The following RNF144A variants were observed in gnomAD, a reference collection of about 807,000 sequenced individuals.
RNF144A encodes ring finger protein 144A.
In RNF144A, 11 loss-of-function variants were observed where a neutral mutation model predicts 38.7. That is an observed-to-expected ratio of 0.28 (90% CI 0.18 to 0.47). The LOEUF (loss-of-function observed/expected upper bound fraction) is 0.47, where lower values mean the gene tolerates loss of function less well. RNF144A is among the 20% of genes least tolerant of loss of function. The pLI is 0.99. For missense variants in RNF144A, 316 were observed against 377.2 expected (o/e 0.84, Z 1.34); for synonymous variants, 149 against 143.9 (o/e 1.04, Z -0.25).
intron 2 of RNF144A, among the ~76,000 whole-genome samples, chr2:6,956,984 A>AC (rs1488187377): frequency 2.0e-5 from 3 of 151,876 alleles, no homozygotes; most frequent in African/African-American, 7.3e-5. Flanking sequence ...CAAAGTCTGG[A>AC]CTCTTCCTGA....
chr2:7,004,293 A>G (rs1670299091), intron 3 of RNF144A, among the ~76,000 whole-genome samples: 1 of 152,242 alleles, frequency 6.6e-6, no homozygotes, highest in Non-Finnish European at 1.5e-5. Flanking sequence ...TCCCCTGTCC[A>G]TAAGTGGGGA....
At chr2:7,068,740 T>A (rs1244948653), downstream of RNF144A, among the ~76,000 whole-genome samples, 3 of 152,096 alleles carry the variant, frequency 2.0e-5, no homozygotes, top group Non-Finnish European at 4.4e-5. Context: ...GGACTGAGAT[T>A]TCAAGTTCTA....
At chr2:7,025,355 A>G (rs1671815507) in intron 7 of RNF144A, among the ~76,000 whole-genome samples, 1 of 152,192 alleles carries the variant, frequency 6.6e-6, no homozygotes, top group Non-Finnish European at 1.5e-5. Flanking sequence ...GTTTTAGAAT[A>G]ATTTATTGAT....
At chr2:7,007,840 G>C (rs974347680) in intron 3 of RNF144A, among the ~76,000 whole-genome samples, 2 of 152,168 alleles carry the variant, frequency 1.3e-5, no homozygotes, top group Non-Finnish European at 2.9e-5. Context: ...GAACAAACGG[G>C]CCGCGCTGCC....
intron 2 of RNF144A, among the ~76,000 whole-genome samples, chr2:6,965,263 T>G (rs560341605): frequency 6.6e-6 from 1 of 152,066 alleles, no homozygotes; most frequent in Admixed American, 6.5e-5. Context: ...AATAGGGAAA[T>G]AGGACACGAT....
downstream of RNF144A, among the ~76,000 whole-genome samples, chr2:7,044,723 C>T (rs1673233069): frequency 6.6e-6 from 1 of 152,180 alleles, no homozygotes; most frequent in African/African-American, 2.4e-5. Flanking sequence ...CACCTCACTC[C>T]AGCTTGGAGG....
chr2:7,067,471 GCTCAGTGTTTAGAA>G (rs1343884240), intron 6 of RNF144A, among the ~76,000 whole-genome samples: 1 of 152,126 alleles, frequency 6.6e-6, no homozygotes, highest in Non-Finnish European at 1.5e-5. Context: ...GAGGCTTCAA[GCTCAGTGTTTAGAA>G]ATCTTTTTGA....
chr2:6,995,955 C>T (rs1669710159), intron 2 of RNF144A, among the ~76,000 whole-genome samples: 1 of 146,582 alleles, frequency 6.8e-6, no homozygotes, highest in Non-Finnish European at 1.5e-5. Flanking sequence ...CTCAGAACAC[C>T]TCTGTGAGAG....
chr2:6,962,249 G>T lies in RNF144A; in HGVS notation c.-12+21102G>T, dbSNP rs1164121206. On this transcript the variant is annotated intron_variant, in intron 2 of 8. Coordinates refer to ENST00000320892, the MANE Select transcript of RNF144A (RefSeq NM_014746.6). This position sits in a 1 kb window ranked among gnomAD's most constrained non-coding sequence, Gnocchi z 4.1. ...CACCCTAATGATTTATTATGCAGGC[G>T]GGTTCTCTGCCTGAGCTCCACCATG... Among the ~76,000 whole-genome samples, 4 of 152,100 alleles carry T rather than the reference G, an allele frequency of 2.6e-5. No individual in the cohort carries two copies. The highest frequency in any genetic ancestry group is 9.7e-5 in the African/African-American group (4 of 41,400).
chr2:7,003,940 A>G (rs1043224648), intron 3 of RNF144A, among the ~76,000 whole-genome samples: 1 of 152,260 alleles, frequency 6.6e-6, no homozygotes, highest in Non-Finnish European at 1.5e-5. Context: ...AGAGCAGGCA[A>G]TCAACTGGAA....
downstream of RNF144A, among the ~76,000 whole-genome samples, chr2:7,069,271 G>T (rs897644478): frequency 2.0e-5 from 3 of 152,200 alleles, no homozygotes; most frequent in African/African-American, 7.2e-5. Context: ...CTCCAGTGCT[G>T]GCTGGGACTG....
chr2:6,991,500 T>C (rs1459892432), intron 2 of RNF144A, among the ~76,000 whole-genome samples: 3 of 152,138 alleles, frequency 2.0e-5, no homozygotes, highest in Non-Finnish European at 2.9e-5. Context: ...TCCAAAAGGC[T>C]CCATCTCATT....
chr2:7,022,316 C>A (rs1406826014), intron 6 of RNF144A, among the ~76,000 whole-genome samples: 1 of 152,220 alleles, frequency 6.6e-6, no homozygotes, highest in Non-Finnish European at 1.5e-5. Context: ...ATTAGCATCA[C>A]CTGCGCACCT....
downstream of RNF144A, among the ~76,000 whole-genome samples, chr2:7,046,363 G>C (rs1673307187): frequency 1.3e-5 from 2 of 152,224 alleles, no homozygotes; most frequent in Non-Finnish European, 2.9e-5. Context: ...CAGAGCAGCA[G>C]GGTGGAGAGC....
downstream of RNF144A, among the ~76,000 whole-genome samples, chr2:7,048,985 C>T (rs558032269): frequency 7.2e-5 from 11 of 152,280 alleles, no homozygotes; most frequent in African/African-American, 2.2e-4. Context: ...TCCTCCCCAC[C>T]GGGGGCTCAG....
intron 3 of RNF144A, among the ~76,000 whole-genome samples, chr2:7,008,754 C>T (rs1670612169): frequency 6.6e-6 from 1 of 152,242 alleles, no homozygotes; most frequent in Admixed American, 6.5e-5. Context: ...ACAGCCTCCG[C>T]ATCCAGTCCT....
intron 6 of RNF144A, among the ~76,000 whole-genome samples, chr2:7,067,483 G>A (rs1307794494): frequency 6.6e-6 from 1 of 152,142 alleles, no homozygotes; most frequent in East Asian, 1.9e-4. Context: ...TCAGTGTTTA[G>A]AAATCTTTTT....
chr2:6,945,463 T>G (rs1403635794), intron 2 of RNF144A, among the ~76,000 whole-genome samples: 1 of 152,222 alleles, frequency 6.6e-6, no homozygotes, highest in Non-Finnish European at 1.5e-5. Flanking sequence ...TGATGTTAAG[T>G]CAGTCTGTTG....
intron 1 of RNF144A, among the ~76,000 whole-genome samples, chr2:6,931,848 G>A (rs1261747166): frequency 6.6e-6 from 1 of 151,974 alleles, no homozygotes; most frequent in East Asian, 1.9e-4. Flanking sequence ...GTTGTGTTTT[G>A]TGGCCTGGAC....
Sources: allele counts gnomAD v4.1 joint callset (sites outside exome capture counted in the v4.1 genomes callset), GRCh38; gene constraint gnomAD v4.1.1; non-coding constraint Gnocchi (gnomAD v3.1); transcripts MANE v1.5; gene names NCBI Gene and HGNC (gene_info 2026-07-23, HGNC 2026-07-21).